The following ERBB4 variants were observed in gnomAD, a reference collection of about 807,000 sequenced individuals.
ERBB4 encodes erb-b2 receptor tyrosine kinase 4, also known as receptor tyrosine-protein kinase erbB-4.
In ERBB4, 42 loss-of-function variants were observed where a neutral mutation model predicts 158.0. The ratio of observed to expected loss-of-function variants is 0.27; its 90% CI spans 0.21 to 0.34. The LOEUF (loss-of-function observed/expected upper bound fraction) is 0.34. Among genes scored for constraint, ERBB4 ranks in the 10% least tolerant of loss-of-function variants. ERBB4 has a pLI of 1.00. For missense variants in ERBB4, 1,333 were observed against 1,624.1 expected (o/e 0.82, Z 3.08); for synonymous variants, 583 against 558.7 (o/e 1.04, Z -0.61).
At chr2:211,400,429 G>GTATT (rs1320517298) in intron 25 of ERBB4, among the ~76,000 whole-genome samples, 4 of 152,054 alleles carry the variant, frequency 2.6e-5, no homozygotes, top group African/African-American at 9.7e-5. Context: ...CACAATAAAA[G>GTATT]TATTTGCACA....
chr2:212,440,865 G>C (rs2092239528), intron 1 of ERBB4, among the ~76,000 whole-genome samples: 1 of 152,170 alleles, frequency 6.6e-6, no homozygotes, highest in African/African-American at 2.4e-5. Context: ...TTGCTCCTAA[G>C]TTTAGTGGAC....
At chr2:212,003,219 A>AAGAAAGACAGAC (rs1559294328) in intron 2 of ERBB4, among the ~76,000 whole-genome samples, 19 of 58,866 alleles carry the variant, frequency 3.2e-4, no homozygotes, top group Non-Finnish European at 6.4e-4. Flanking sequence ...GAAAGAAGGA[A>AAGAAAGACAGAC]GGAAGGAAGG....
At chr2:211,859,500 A>G (rs2077958487) in intron 3 of ERBB4, among the ~76,000 whole-genome samples, 1 of 152,174 alleles carries the variant, frequency 6.6e-6, no homozygotes, top group Non-Finnish European at 1.5e-5. Flanking sequence ...CAGGTAAATG[A>G]CTATTCTTTA....
At chr2:211,737,761 C>T (rs935050151) in intron 5 of ERBB4, among the ~76,000 whole-genome samples, 16 of 152,120 alleles carry the variant, frequency 1.1e-4, no homozygotes, top group African/African-American at 3.9e-4. Flanking sequence ...AATATTGGCT[C>T]TTGGTATTGT....
At chr2:212,064,448 A>G (rs374166694) in intron 2 of ERBB4, among the ~76,000 whole-genome samples, 27 of 152,216 alleles carry the variant, frequency 1.8e-4, no homozygotes, top group South Asian at 1.2e-3. Flanking sequence ...AGGATGGAAA[A>G]GAGTGAAGAA....
chr2:212,035,521 T>A (rs2076993235), intron 2 of ERBB4, among the ~76,000 whole-genome samples: 1 of 152,198 alleles, frequency 6.6e-6, no homozygotes, highest in South Asian at 2.1e-4. Context: ...ATGAGATAAA[T>A]CTTTGCGCTC....
rs73985444 is a variant in ERBB4 at position 211,444,833 on chromosome 2, C to T, written c.2488-13733G>A. On this transcript the variant is annotated intron_variant, in intron 20 of 27. Coordinates refer to ENST00000342788, the MANE Select transcript of ERBB4 (RefSeq NM_005235.3). ...CTGCTGTGAGATACATACATGGACA[C>T]AGATTACGTAAATGATGTGTTCAGA... Among the ~76,000 whole-genome samples the T allele has an allele frequency of 8.5e-3, 1,286 of 151,964 alleles. 13 individuals carry two copies. The highest frequency in any genetic ancestry group is 0.03 in the African/African-American group (1,238 of 41,458).
rs370272757 is a variant in ERBB4 at position 211,486,111 on chromosome 2, A to G, written c.2488-55011T>C. Among the ~76,000 whole-genome samples the G allele has an allele frequency of 4.1e-4, 63 of 152,234 alleles. No homozygotes were observed. In the South Asian group the frequency reaches 0.013, roughly 31 times the overall value. ...GATATTATAACTAAGCATACTATAT[A>G]ATTAACTAAAAGTTTACAGCTAATA... On this transcript the variant is annotated intron_variant, in intron 20 of 27. Transcript: ENST00000342788.
At chr2:212,041,876 C>T (rs2077149420) in intron 2 of ERBB4, among the ~76,000 whole-genome samples, 1 of 152,082 alleles carries the variant, frequency 6.6e-6, no homozygotes, top group South Asian at 2.1e-4. Flanking sequence ...CTTATAATTA[C>T]TGCATCAACA....
At chr2:212,432,811 C>G (rs2092057868) in intron 1 of ERBB4, among the ~76,000 whole-genome samples, 1 of 152,106 alleles carries the variant, frequency 6.6e-6, no homozygotes, top group African/African-American at 2.4e-5. Context: ...TTTGCCCATT[C>G]ACTGAAGAAT....
intron 1 of ERBB4, among the ~76,000 whole-genome samples, chr2:212,330,227 G>GTTTA (rs2088070083): frequency 6.6e-6 from 1 of 151,708 alleles, no homozygotes; most frequent in African/African-American, 2.4e-5. Context: ...TGTGTTTTTT[G>GTTTA]TTTGTTTGTT....
At chr2:212,485,457 G>T (rs1016352824) in intron 1 of ERBB4, among the ~76,000 whole-genome samples, 5 of 152,180 alleles carry the variant, frequency 3.3e-5, no homozygotes, top group Non-Finnish European at 5.9e-5. Context: ...ACAAGAGAAG[G>T]CTGAACAGCT....
chr2:212,030,324 C>T (rs1270293446), intron 2 of ERBB4, among the ~76,000 whole-genome samples: 1 of 152,116 alleles, frequency 6.6e-6, no homozygotes, highest in Admixed American at 6.6e-5. Context: ...TGCCTTACCA[C>T]CACTTTCTCC....
intron 2 of ERBB4, among the ~76,000 whole-genome samples, chr2:211,955,857 CT>C (rs1213087013): frequency 6.6e-6 from 1 of 152,074 alleles, no homozygotes; most frequent in Non-Finnish European, 1.5e-5. Context: ...CATGAACATT[CT>C]TTTTTTAAAT....
chr2:211,415,148 G>C (rs1219956187), intron 25 of ERBB4, among the ~76,000 whole-genome samples: 1 of 108,338 alleles, frequency 9.2e-6, no homozygotes, highest in Non-Finnish European at 1.7e-5. Context: ...ACGGAGTCTC[G>C]CTCTGTCGCC....
At chr2:212,136,412 T>C (rs897293781) in intron 1 of ERBB4, among the ~76,000 whole-genome samples, 1 of 152,148 alleles carries the variant, frequency 6.6e-6, no homozygotes, top group South Asian at 2.1e-4. Flanking sequence ...AAATGAGAAA[T>C]AGCAAGAGTG....
intron 2 of ERBB4, among the ~76,000 whole-genome samples, chr2:212,012,504 C>A (rs2076412638): frequency 6.6e-6 from 1 of 151,522 alleles, no homozygotes; most frequent in African/African-American, 2.4e-5. Flanking sequence ...GCAAACTCCA[C>A]CTCCAAGCTC....
Position 212,033,202 on chromosome 2 carries a change from A to C in ERBB4, c.235-85586T>G, listed in dbSNP as rs375001383. On this transcript the variant is annotated intron_variant, in intron 2 of 27. Transcript: ENST00000342788. ...ACTGATTTATATTCCCAAATCTTTC[A>C]CTTATTCTTTGTACACTTTTAGATA... Among the ~76,000 whole-genome samples the C allele has an allele frequency of 7.2e-5, 11 of 152,128 alleles. No individual in the cohort carries two copies. In the South Asian group the frequency reaches 1.4e-3, roughly 20 times the overall value.
At chr2:212,045,254 G>T (rs1307110782) in intron 2 of ERBB4, among the ~76,000 whole-genome samples, 1 of 152,144 alleles carries the variant, frequency 6.6e-6, no homozygotes, top group Non-Finnish European at 1.5e-5. Context: ...GAAGCCAGGG[G>T]TTTGAGACCA....
Sources: allele counts gnomAD v4.1 joint callset (sites outside exome capture counted in the v4.1 genomes callset), GRCh38; gene constraint gnomAD v4.1.1; transcripts MANE v1.5; gene names NCBI Gene and HGNC (gene_info 2026-07-23, HGNC 2026-07-21).